Variants in FSD1L observed in about 807,000 individuals in gnomAD.
The protein encoded by FSD1L is FSD1-like protein.
A neutral mutation model predicts 71.6 loss-of-function variants in FSD1L; 45 were observed. That is an observed-to-expected ratio of 0.63 (90% CI 0.49 to 0.81). The LOEUF (loss-of-function observed/expected upper bound fraction) is 0.81. Among genes scored for constraint, FSD1L ranks in the 30% least tolerant of loss-of-function variants. The pLI, the probability that FSD1L is intolerant of heterozygous loss-of-function variation, is 0.00. For missense variants in FSD1L, 561 were observed against 618.1 expected (o/e 0.91, Z 0.98); for synonymous variants, 197 against 207.2 (o/e 0.95, Z 0.42).
At chr9:105,492,829 C>G (rs1833051491) in intron 7 of FSD1L, among the ~76,000 whole-genome samples, 1 of 152,120 alleles carries the variant, frequency 6.6e-6, no homozygotes, top group Non-Finnish European at 1.5e-5. Context: ...TTTCTTAATC[C>G]TGAATTCTAG....
intron 1 of FSD1L, among the ~76,000 whole-genome samples, chr9:105,453,946 A>C (rs1181014025): frequency 6.6e-6 from 1 of 152,220 alleles, no homozygotes; most frequent in Non-Finnish European, 1.5e-5. Flanking sequence ...GTTCTGATAG[A>C]ATCTGGTTTC....
chr9:105,537,522 AT>A (rs1366737040), intron 12 of FSD1L, among the ~76,000 whole-genome samples: 1 of 152,082 alleles, frequency 6.6e-6, no homozygotes, highest in Non-Finnish European at 1.5e-5. Context: ...TAGTAGTGAG[AT>A]ACAGTTTTTA....
In FSD1L at chr9:105,546,589, C is replaced by A. The variant is rs923687635; in HGVS notation, c.*106C>A. On this transcript the variant is annotated 3_prime_UTR_variant, in exon 14 of 14. Coordinates refer to ENST00000481272, the MANE Select transcript of FSD1L (RefSeq NM_001145313.3). Reference sequence around the variant, plus strand: ...TAGTGAAAATCAGGTTTGCTGTGTTCTGCTTTGAGGCCTGGAATCTTTTAT... The same window carrying A: ...TAGTGAAAATCAGGTTTGCTGTGTTATGCTTTGAGGCCTGGAATCTTTTAT... The A allele has an allele frequency of 8.8e-7, 1 of 1,141,582 alleles. No individual in the cohort carries two copies. Among genetic ancestry groups the A allele is most frequent in the Middle Eastern group, 2.0e-4 (1 of 4,932 alleles). The allele number at this position is 1,141,582 out of a possible 1,614,324, so 70.7% of individuals were successfully genotyped here.
intron 1 of FSD1L, among the ~76,000 whole-genome samples, chr9:105,457,991 A>G (rs1830460074): frequency 6.6e-6 from 1 of 152,222 alleles, no homozygotes; most frequent in Non-Finnish European, 1.5e-5. Context: ...GTAACTGCAG[A>G]GCCCCAAGGG....
At chr9:105,482,494 G>C (rs190220400) in intron 6 of FSD1L, among the ~76,000 whole-genome samples, 14 of 152,312 alleles carry the variant, frequency 9.2e-5, no homozygotes, top group Non-Finnish European at 1.8e-4. Flanking sequence ...TGTGCTGGTA[G>C]AAATGAACTA....
At position 105,524,380 on chromosome 9, in the gene FSD1L, C is replaced by T. The variant is rs1835372873; in HGVS notation, c.1026-10113C>T. The T allele has an allele frequency of 1.4e-5, 22 of 1,613,972 alleles. 1 individual carries two copies. In the South Asian group the frequency reaches 2.3e-4, roughly 17 times the overall value. On this transcript the variant is annotated intron_variant, in intron 10 of 13. Transcript: ENST00000481272. ...ACCATCACCCATCTTTTACCAAGTA[C>T]AGAGGCTTCATCTTATGAAATGGAC...
rs200272949 is a variant in FSD1L, at chr9:105,546,516, G to T, written c.*33G>T. ...TCAGAATACGTTTACCCTCCGTCTT[G>T]ATTAGGTGGCCTTTTCTGTGCAGTT... is the stretch of plus-strand genomic sequence containing the variant. On this transcript the variant is annotated 3_prime_UTR_variant, in exon 14 of 14. Coordinates refer to ENST00000481272, the MANE Select transcript of FSD1L (RefSeq NM_001145313.3). 16 of 1,495,962 alleles carry T rather than the reference G, an allele frequency of 1.1e-5. No homozygotes were observed. The East Asian group carries it at 4.0e-4, about 37-fold the overall frequency. The allele number at this position is 1,495,962 out of a possible 1,614,324, so 92.7% of individuals were successfully genotyped here.
Position 105,490,001 on chromosome 9 carries a change from G to A in FSD1L, c.586+5499G>A, listed in dbSNP as rs1832816075. 2.0e-5 allele frequency among the ~76,000 whole-genome samples: 3 copies of A among 152,146 alleles called. No homozygotes were observed. In the South Asian group the frequency reaches 6.2e-4, roughly 32 times the overall value. ...TGTCTTTATAGCAGCATGATTTATA[G>A]TCCTTTGGGTATATACCCAGTAATG... On this transcript the variant is annotated intron_variant, in intron 7 of 13. Coordinates refer to ENST00000481272, the MANE Select transcript of FSD1L (RefSeq NM_001145313.3).
In FSD1L at chr9:105,535,173, C is replaced by T. The variant is rs1487156153; in HGVS notation, c.1233C>T (p.Asp411=). The change falls in exon 12 of 14, where the codon GAC becomes GAT. Residue 411 remains aspartate (D), a synonymous_variant. Transcript: ENST00000481272. ...CATACAAAACGTTGGGGAAATTTGA[C>T]CAATTGGGAAAGACAAACACTAGTT... ...GVAYKTLGKF[D]QLGKTNTSWC... is the part of the protein sequence containing the mutation. 6.4e-7 allele frequency: 1 copy of T among 1,551,988 alleles called. No homozygotes were observed.
At chr9:105,519,920 G>A (rs1004611057) in intron 10 of FSD1L, among the ~76,000 whole-genome samples, 10 of 152,246 alleles carry the variant, frequency 6.6e-5, no homozygotes, top group African/African-American at 2.2e-4. Flanking sequence ...TGGAGCTGGG[G>A]CCGAAGGTGC....
chr9:105,447,126 C>A (rs1312429346), upstream of FSD1L, among the ~76,000 whole-genome samples: 1 of 151,764 alleles, frequency 6.6e-6, no homozygotes, highest in African/African-American at 2.4e-5. Context: ...GAGTTCGAGA[C>A]CATCCTAAGC....
At chr9:105,474,006 A>C (rs563816216) in intron 5 of FSD1L, among the ~76,000 whole-genome samples, 8 of 152,212 alleles carry the variant, frequency 5.3e-5, no homozygotes, top group Non-Finnish European at 8.8e-5. Context: ...TTAGTAGCTT[A>C]AACCATTTGG....
At position 105,520,075 on chromosome 9, in the gene FSD1L, C is replaced by T. The variant is rs541417504; in HGVS notation, c.1025+7139C>T. 21 of 1,558,856 alleles carry T rather than the reference C, an allele frequency of 1.3e-5. No homozygotes were observed. In the African/African-American group the frequency reaches 2.2e-4, roughly 16 times the overall value. On this transcript the variant is annotated intron_variant, in intron 10 of 13. Coordinates refer to ENST00000481272, the MANE Select transcript of FSD1L (RefSeq NM_001145313.3). ...CCCGTCCACTCCCTCCACTTTCTGC[C>T]GCTGGGAGCCGGCTGTGGCAGTGGC...
intron 10 of FSD1L, chr9:105,523,179 T>G: frequency 6.2e-7 from 1 of 1,613,644 alleles, no homozygotes; most frequent in Non-Finnish European, 8.5e-7. Context: ...TCAGCAAGCT[T>G]TCTCTGCTGA....
rs150726801 is a variant in FSD1L at position 105,510,320 on chromosome 9, A to G, written c.895+1605A>G. On this transcript the variant is annotated intron_variant, in intron 9 of 13. Transcript: ENST00000481272. The stretch of plus-strand genomic sequence containing the variant: ...ATTCTGACCTTCAGGGAGTTCCAGA[A>G]TAAAGTTAGACTCCTACATGGCCAT... Among the ~76,000 whole-genome samples the G allele has an allele frequency of 4.1e-3, 618 of 152,262 alleles. 1 individual carries two copies. The highest frequency in any genetic ancestry group is 7.5e-3 in the African/African-American group (313 of 41,498).
At chr9:105,504,094 C>T (rs1833921409) in intron 7 of FSD1L, among the ~76,000 whole-genome samples, 1 of 152,216 alleles carries the variant, frequency 6.6e-6, no homozygotes. Context: ...AGATTTATGA[C>T]TCAGCAAAAT....
intron 10 of FSD1L, chr9:105,520,474 C>A: frequency 1.9e-6 from 2 of 1,058,162 alleles, no homozygotes; most frequent in South Asian, 1.3e-5. Flanking sequence ...ACAGAAAGGT[C>A]ACAAGTCTCA....
chr9:105,541,359 G>A (rs1264141292), intron 13 of FSD1L, among the ~76,000 whole-genome samples: 1 of 149,376 alleles, frequency 6.7e-6, no homozygotes, highest in Non-Finnish European at 1.5e-5. Context: ...TTCCAAACTG[G>A]TCCATCAAGG....
chr9:105,508,176 T>G (rs1191222802), intron 8 of FSD1L, among the ~76,000 whole-genome samples: 1 of 37,408 alleles, frequency 2.7e-5, no homozygotes, highest in Non-Finnish European at 5.9e-5. Context: ...ATATCACTCT[T>G]TTTTTTTTTT....
Sources: allele counts gnomAD v4.1 joint callset (sites outside exome capture counted in the v4.1 genomes callset), GRCh38; gene constraint gnomAD v4.1.1; transcripts MANE v1.5; gene names NCBI Gene and HGNC (gene_info 2026-07-23, HGNC 2026-07-21).